The following QTRT2 variants were observed in gnomAD, a reference collection of about 807,000 sequenced individuals.
QTRT2 encodes queuine tRNA-ribosyltransferase domain containing 1.
In QTRT2, 32 loss-of-function variants were observed where a neutral mutation model predicts 44.8. That is an observed-to-expected ratio of 0.71 (90% CI 0.54 to 0.96). QTRT2 has a LOEUF of 0.96. Among genes scored for constraint, QTRT2 ranks in the 40% least tolerant of loss-of-function variants. The probability of loss-of-function intolerance (pLI) is 0.00; values close to 1 mark genes in which losing one functional copy is unlikely to be tolerated. For synonymous variants in QTRT2, 182 were observed against 187.4 expected, an observed-to-expected ratio of 0.97 and a Z score of 0.24; for missense variants, 461 against 503.1, an observed-to-expected ratio of 0.92 and a Z score of 0.80.
At position 114,082,724 on chromosome 3, in the gene QTRT2, A is replaced by G; in HGVS notation, c.946A>G (p.Ile316Val). ...TQEEIKCMDQ[I>V]KKIETTGCNQ... ...AGAAGAAATAAAATGTATGGATCAA[A>G]TAAAGAAAATTGAAACAACTGGTTG... The change falls in exon 9 of 10, where the codon ATA becomes GTA. Residue 316 changes from isoleucine to valine, a missense_variant. Transcript: ENST00000281273. 6.5e-7 allele frequency: 1 copy of G among 1,537,416 alleles called. No individual in the cohort carries two copies. The highest frequency in any genetic ancestry group is 8.9e-7 in the Non-Finnish European group (1 of 1,123,996).
intron 6 of QTRT2, 95 bp from the exon 7 acceptor site, chr3:114,076,648 G>C (rs1467607679): frequency 3.5e-6 from 4 of 1,142,232 alleles, no homozygotes; most frequent in Non-Finnish European, 3.9e-6. Context: ...GCTTCACTGA[G>C]GTCTCTTCTA....
intron 8 of QTRT2, 45 bp from the exon 9 acceptor site, chr3:114,082,632 C>T: frequency 1.3e-6 from 1 of 762,468 alleles, no homozygotes; most frequent in East Asian, 2.7e-5. Context: ...ATGGCCACTT[C>T]TTATCTGATC....
intron 2 of QTRT2, among the ~76,000 whole-genome samples, chr3:114,064,007 G>C (rs2107787235): frequency 6.6e-6 from 1 of 152,202 alleles, no homozygotes. Context: ...CTGAGGTCAG[G>C]AGTTCGAGAC....
chr3:114,083,287 CTGTTGT>C (rs1207398579), intron 9 of QTRT2, among the ~76,000 whole-genome samples: 2 of 144,582 alleles, frequency 1.4e-5, no homozygotes, highest in East Asian at 2.1e-4. Flanking sequence ...GTTGTTGTTG[CTGTTGT>C]TGTTGTTGCT....
At chr3:114,058,538 A>G (rs533016551) in intron 2 of QTRT2, among the ~76,000 whole-genome samples, 1 of 152,120 alleles carries the variant, frequency 6.6e-6, no homozygotes. Context: ...AGCGTTCTTC[A>G]TTTCTTTTTT....
chr3:114,066,328 G>C (rs2076953798), intron 4 of QTRT2, 45 bp downstream of exon 4: 1 of 1,118,384 alleles, frequency 8.9e-7, no homozygotes, highest in Non-Finnish European at 1.4e-6. Flanking sequence ...GTGTTAATTT[G>C]GAGTTTGGAG....
At chr3:114,081,914 C>T (rs2077169855) in intron 8 of QTRT2, among the ~76,000 whole-genome samples, 1 of 152,108 alleles carries the variant, frequency 6.6e-6, no homozygotes, top group Non-Finnish European at 1.5e-5. Flanking sequence ...ATCATTTGTT[C>T]CCAAAATACC....
intron 5 of QTRT2, among the ~76,000 whole-genome samples, chr3:114,070,102 A>G (rs1250521158): frequency 6.6e-6 from 1 of 152,226 alleles, no homozygotes; most frequent in Non-Finnish European, 1.5e-5. Context: ...TCAGTGTCTC[A>G]ATGGACACGT....
chr3:114,075,664 A>G (rs2077081029), intron 6 of QTRT2, among the ~76,000 whole-genome samples: 1 of 151,798 alleles, frequency 6.6e-6, no homozygotes, highest in East Asian at 1.9e-4. Context: ...GCATGCTGCC[A>G]CACCCGGCTG....
intron 6 of QTRT2, among the ~76,000 whole-genome samples, chr3:114,075,611 C>T (rs925069421): frequency 2.0e-5 from 3 of 151,150 alleles, no homozygotes; most frequent in South Asian, 2.1e-4. Flanking sequence ...TCGGCTCAAG[C>T]GATTCTCCCA....
intron 6 of QTRT2, among the ~76,000 whole-genome samples, chr3:114,076,047 A>G (rs532024110): frequency 1.3e-5 from 2 of 152,320 alleles, no homozygotes; most frequent in South Asian, 2.1e-4. Context: ...CTAAGTTCCT[A>G]AAGTTATCTC....
chr3:114,084,370 C>T (rs2077209411), intron 9 of QTRT2, among the ~76,000 whole-genome samples: 1 of 152,118 alleles, frequency 6.6e-6, no homozygotes, highest in South Asian at 2.1e-4. Context: ...GTAATCCTAG[C>T]ACTTTGGGAG....
intron 2 of QTRT2, among the ~76,000 whole-genome samples, chr3:114,061,166 G>A (rs1201019726): frequency 1.3e-5 from 2 of 152,176 alleles, no homozygotes; most frequent in African/African-American, 2.4e-5. Flanking sequence ...TTGCCTTTAT[G>A]TACCTTCTTC....
intron 9 of QTRT2, among the ~76,000 whole-genome samples, chr3:114,085,308 A>C (rs2077220732): frequency 6.6e-6 from 1 of 152,040 alleles, no homozygotes; most frequent in Non-Finnish European, 1.5e-5. Context: ...CCTGGGTTCA[A>C]GCGATTCTCC....
rs145171851 is a variant in QTRT2, at chr3:114,081,403, G to A, written c.899-1274G>A. Among the ~76,000 whole-genome samples the A allele has an allele frequency of 5.6e-3, 852 of 151,786 alleles. 2 individuals are homozygous for A. The highest frequency in any genetic ancestry group is 0.019 in the African/African-American group (797 of 41,386). ...CTCACTCTGTTGCCCAGGCTGGAGT[G>A]TAGTGGTGTGATTATGGCTCACTGC... On this transcript the variant is annotated intron_variant, in intron 8 of 9. Transcript: ENST00000281273.
chr3:114,073,413 C>A (rs1424217864), intron 6 of QTRT2, among the ~76,000 whole-genome samples: 1 of 151,910 alleles, frequency 6.6e-6, no homozygotes, highest in Non-Finnish European at 1.5e-5. Flanking sequence ...GAGTTTTGTT[C>A]TTGTCGCCCA....
At chr3:114,062,321 A>C (rs2076898286) in intron 2 of QTRT2, among the ~76,000 whole-genome samples, 1 of 142,950 alleles carries the variant, frequency 7.0e-6, no homozygotes, top group South Asian at 2.3e-4. Flanking sequence ...GTAAGCCGTG[A>C]TTACACCACT....
At position 114,070,701 on chromosome 3, in the gene QTRT2, C is replaced by T. The variant is rs1195401058; in HGVS notation, c.409C>T (p.Gln137Ter). 1.2e-6 allele frequency: 2 copies of T among 1,614,144 alleles called. No homozygotes were observed. The highest frequency in any genetic ancestry group is 4.5e-5 in the East Asian group (2 of 44,890). ...SKFMAIQKAL[Q>*]PDWFQCLSDG... ...GTTCATGGCAATTCAGAAGGCCCTT[C>T]AGCCAGACTGGTTCCAGTGCCTCTC... The change falls in exon 6 of 10, where the codon CAG becomes TAG. Residue 137 changes from glutamine (Q) to a stop codon, truncating the protein, a stop_gained. Transcript: ENST00000281273. LOFTEE classifies it high-confidence loss of function.
intron 7 of QTRT2, chr3:114,077,183 A>G: frequency 1.9e-6 from 1 of 514,074 alleles, no homozygotes; most frequent in African/African-American, 1.9e-5. Context: ...ATGTTATTTG[A>G]TCCTCCTAAG....
Sources: allele counts gnomAD v4.1 joint callset (sites outside exome capture counted in the v4.1 genomes callset), GRCh38; gene constraint gnomAD v4.1.1; transcripts MANE v1.5; gene names NCBI Gene and HGNC (gene_info 2026-07-23, HGNC 2026-07-21).